Variants in SH3D19 observed in about 807,000 individuals in gnomAD.
The protein encoded by SH3D19 is SH3 domain-containing protein 19.
In SH3D19, 58 loss-of-function variants were observed where a neutral mutation model predicts 112.1. That is an observed-to-expected ratio of 0.52 (90% CI 0.42 to 0.64). The LOEUF (loss-of-function observed/expected upper bound fraction) is 0.64. SH3D19 is among the 30% of genes least tolerant of loss of function. SH3D19 has a pLI of 0.00. For missense variants in SH3D19, 1,090 were observed against 1,263.4 expected (o/e 0.86, Z 2.08); for synonymous variants, 391 against 448.5 (o/e 0.87, Z 1.62).
intron 2 of SH3D19, among the ~76,000 whole-genome samples, chr4:151,204,041 T>C (rs1764758151): frequency 6.6e-6 from 1 of 152,220 alleles, no homozygotes. Flanking sequence ...CCTACTATTC[T>C]CATCTTACAT....
intron 1 of SH3D19, among the ~76,000 whole-genome samples, chr4:151,258,786 G>A (rs1298616561): frequency 6.6e-6 from 1 of 152,192 alleles, no homozygotes; most frequent in East Asian, 1.9e-4. Flanking sequence ...TCTAGGAGGA[G>A]ATGGTTCTGC....
At chr4:151,159,097 C>A (rs961495149) in intron 9 of SH3D19, 143 bp downstream of exon 9, 6 of 468,086 alleles carry the variant, frequency 1.3e-5, no homozygotes, top group Non-Finnish European at 2.2e-5. Flanking sequence ...TATATAAGTA[C>A]ATGGGGCTTA....
intron 1 of SH3D19, chr4:151,262,676 T>TTCTCTCTCTCTCTCTCTCTCTC (rs61642865): frequency 1.3e-4 from 19 of 145,144 alleles, no homozygotes; most frequent in African/African-American, 4.4e-4. Flanking sequence ...GCCAACATTC[T>TTCTCTCTCTCTCTCTCTCTCTC]TCTCTCTCTC....
intron 2 of SH3D19, among the ~76,000 whole-genome samples, chr4:151,193,696 G>A (rs1010352240): frequency 1.1e-4 from 17 of 152,276 alleles, no homozygotes; most frequent in African/African-American, 4.1e-4. Flanking sequence ...CTTGGTTTGG[G>A]AAGAGGTATG....
intron 1 of SH3D19, chr4:151,227,661 T>G (rs1235375355): frequency 1.3e-6 from 1 of 774,152 alleles, no homozygotes; most frequent in Middle Eastern, 6.5e-4. Flanking sequence ...GTTTTTAGCC[T>G]GCTAGCTTCG....
At chr4:151,296,894 T>C (rs919666596) in intron 1 of SH3D19, among the ~76,000 whole-genome samples, 9 of 152,184 alleles carry the variant, frequency 5.9e-5, no homozygotes, top group African/African-American at 2.2e-4. Context: ...TCCACTAAAC[T>C]GTAATGTTAC....
chr4:151,296,953 G>A (rs1775754641), intron 1 of SH3D19, among the ~76,000 whole-genome samples: 2 of 152,154 alleles, frequency 1.3e-5, no homozygotes, highest in Admixed American at 1.3e-4. Flanking sequence ...ATAATAAAAT[G>A]TCAAAGCTAT....
intron 12 of SH3D19, chr4:151,140,090 T>G: frequency 2.3e-6 from 1 of 443,762 alleles, no homozygotes; most frequent in Non-Finnish European, 4.0e-6. Flanking sequence ...GTTTTCTTTT[T>G]GCTTTTTTAA....
intron 1 of SH3D19, among the ~76,000 whole-genome samples, chr4:151,230,584 GTT>G (rs1769531732): frequency 6.6e-6 from 1 of 151,056 alleles, no homozygotes; most frequent in Admixed American, 6.6e-5. Context: ...GTAAGAAGTG[GTT>G]TAAAGTGAGT....
At chr4:151,248,679 G>T (rs1771128186) in intron 1 of SH3D19, among the ~76,000 whole-genome samples, 3 of 152,084 alleles carry the variant, frequency 2.0e-5, no homozygotes, top group Non-Finnish European at 4.4e-5. Context: ...TTGGAGAAGT[G>T]GAAGGCGCAT....
intron 1 of SH3D19, among the ~76,000 whole-genome samples, chr4:151,255,830 G>A (rs1771853998): frequency 6.6e-6 from 1 of 152,234 alleles, no homozygotes; most frequent in Non-Finnish European, 1.5e-5. Flanking sequence ...CTGGAGACCG[G>A]CCTGGCCAAC....
At chr4:151,322,276 T>C (rs1240025260) in intron 1 of SH3D19, among the ~76,000 whole-genome samples, 1 of 151,414 alleles carries the variant, frequency 6.6e-6, no homozygotes, top group Non-Finnish European at 1.5e-5. Context: ...CCACTAAAAA[T>C]AGAAAAATTA....
At chr4:151,197,173 T>G (rs2149875986) in intron 2 of SH3D19, among the ~76,000 whole-genome samples, 1 of 152,052 alleles carries the variant, frequency 6.6e-6, no homozygotes, top group East Asian at 1.9e-4. Context: ...CACACTGCAC[T>G]CCAGCCTGGG....
intron 2 of SH3D19, among the ~76,000 whole-genome samples, chr4:151,198,444 T>A (rs558807900): frequency 5.5e-4 from 79 of 143,126 alleles, no homozygotes; most frequent in African/African-American, 1.8e-3. Flanking sequence ...AAAATATATA[T>A]AAAAATATAT....
intron 1 of SH3D19, among the ~76,000 whole-genome samples, chr4:151,263,598 A>C (rs1306800809): frequency 2.0e-5 from 3 of 152,250 alleles, no homozygotes; most frequent in Non-Finnish European, 4.4e-5. Context: ...TCTTTCAAAA[A>C]GCTACTGCTG....
At chr4:151,149,436 T>C in intron 10 of SH3D19, 64 bp downstream of exon 10, 1 of 1,308,270 alleles carries the variant, frequency 7.6e-7, no homozygotes, top group Non-Finnish European at 1.1e-6. Flanking sequence ...TCAATCTTGG[T>C]GATAAAAAAG....
At chr4:151,240,443 TCACTA>T (rs1273083181) in intron 1 of SH3D19, among the ~76,000 whole-genome samples, 2 of 151,704 alleles carry the variant, frequency 1.3e-5, no homozygotes, top group African/African-American at 4.9e-5. Flanking sequence ...GAAGTTCTCT[TCACTA>T]CGTGTTTCAT....
intron 1 of SH3D19, among the ~76,000 whole-genome samples, chr4:151,259,227 C>T (rs1772180991): frequency 1.3e-5 from 2 of 152,136 alleles, no homozygotes; most frequent in South Asian, 4.1e-4. Context: ...CCTCACCTTC[C>T]ACATCCAATG....
chr4:151,259,399 A>G (rs1034806866), intron 1 of SH3D19: 14 of 152,340 alleles, frequency 9.2e-5, no homozygotes, highest in African/African-American at 2.9e-4. Flanking sequence ...AGTTTGGGAA[A>G]TGACCATGGA....
Sources: gnomAD v4.1 joint callset for allele counts (sites outside exome capture counted in the v4.1 genomes callset) on GRCh38, gnomAD v4.1.1 for gene constraint, MANE v1.5 for transcripts, NCBI Gene and HGNC (gene_info 2026-07-23, HGNC 2026-07-21) for gene names.